The following CEP128 variants were observed in gnomAD, a reference collection of about 807,000 sequenced individuals.
CEP128 encodes the protein centrosomal protein 128kDa.
Under a neutral mutation model 156.7 loss-of-function variants are expected in CEP128, and 132 were observed. The ratio of observed to expected loss-of-function variants is 0.84; its 90% confidence interval spans 0.73 to 0.97. The LOEUF (loss-of-function observed/expected upper bound fraction) is 0.97. CEP128 is among the 50% of genes least tolerant of loss of function. The pLI, the probability that CEP128 is intolerant of heterozygous loss-of-function variation, is 0.00. For missense variants in CEP128, 1,252 were observed against 1,281.9 expected, an observed-to-expected ratio of 0.98 and a Z score of 0.36; for synonymous variants, 469 against 448.9, an observed-to-expected ratio of 1.04 and a Z score of -0.57.
chr14:80,663,028 A>C (rs1396474784), intron 19 of CEP128, among the ~76,000 whole-genome samples: 1 of 152,210 alleles, frequency 6.6e-6, no homozygotes, highest in African/African-American at 2.4e-5. Context: ...TGACAATGAC[A>C]GTGTTGAATA....
intron 21 of CEP128, among the ~76,000 whole-genome samples, chr14:80,552,719 C>T (rs1890260058): frequency 6.6e-6 from 1 of 152,158 alleles, no homozygotes; most frequent in Non-Finnish European, 1.5e-5. Context: ...CTTGCTTATG[C>T]ACTTTGCCCT....
intron 23 of CEP128, among the ~76,000 whole-genome samples, chr14:80,517,400 C>G (rs1480853275): frequency 6.6e-6 from 1 of 152,104 alleles, no homozygotes; most frequent in Non-Finnish European, 1.5e-5. Flanking sequence ...GATGATCTCA[C>G]AAATTTGCAT....
chr14:80,531,031 T>C (rs1027375833), intron 21 of CEP128, 145 bp from the exon 22 acceptor site: 1 of 390,212 alleles, frequency 2.6e-6, no homozygotes, highest in Non-Finnish European at 4.7e-6. Flanking sequence ...TATATAATAG[T>C]ATTTTCAAGA....
intron 13 of CEP128, among the ~76,000 whole-genome samples, chr14:80,819,372 G>A (rs954128283): frequency 3.4e-5 from 5 of 148,360 alleles, no homozygotes; most frequent in East Asian, 2.1e-4. Flanking sequence ...TCAGCCTCCC[G>A]AGTAGCTGGG....
chr14:80,953,997 C>T (rs1364380609), intron 2 of CEP128, among the ~76,000 whole-genome samples: 1 of 152,008 alleles, frequency 6.6e-6, no homozygotes, highest in Non-Finnish European at 1.5e-5. Flanking sequence ...AGCCCGGGTG[C>T]GGTGGCTCAA....
At chr14:80,866,270 C>G (rs943448629) in intron 8 of CEP128, among the ~76,000 whole-genome samples, 1 of 152,108 alleles carries the variant, frequency 6.6e-6, no homozygotes, top group African/African-American at 2.4e-5. Flanking sequence ...AGTGCCAGAC[C>G]AGCTCCTATG....
intron 13 of CEP128, among the ~76,000 whole-genome samples, chr14:80,793,492 T>G (rs1167366286): frequency 6.6e-6 from 1 of 152,198 alleles, no homozygotes; most frequent in Non-Finnish European, 1.5e-5. Context: ...CAGAGAACTA[T>G]TAGTAGCAAT....
chr14:80,483,074 A>G (rs879113004), intron 14 of CEP128, among the ~76,000 whole-genome samples: 1 of 152,228 alleles, frequency 6.6e-6, no homozygotes, highest in Admixed American at 6.5e-5. Context: ...CTTACTGAGG[A>G]TGACATTGAA....
chr14:80,716,046 A>G (rs1164219428), intron 19 of CEP128, among the ~76,000 whole-genome samples: 1 of 152,240 alleles, frequency 6.6e-6, no homozygotes, highest in Non-Finnish European at 1.5e-5. Context: ...ACCAGCAGCT[A>G]CCAGGCCACT....
At chr14:80,708,581 G>A (rs1380249810) in intron 19 of CEP128, among the ~76,000 whole-genome samples, 1 of 152,006 alleles carries the variant, frequency 6.6e-6, no homozygotes, top group East Asian at 1.9e-4. Context: ...CATGTGCCAT[G>A]CTGGTGTGCT....
At chr14:80,590,666 C>T (rs1345663018) in intron 19 of CEP128, among the ~76,000 whole-genome samples, 2 of 151,900 alleles carry the variant, frequency 1.3e-5, no homozygotes, top group African/African-American at 2.4e-5. Flanking sequence ...AAAGAAAGAA[C>T]ACAATCAAAA....
intron 19 of CEP128, among the ~76,000 whole-genome samples, chr14:80,596,584 G>A (rs1892329117): frequency 6.6e-6 from 1 of 152,016 alleles, no homozygotes; most frequent in South Asian, 2.1e-4. Context: ...TGAGGCAAGA[G>A]GATCACTTGA....
intron 19 of CEP128, among the ~76,000 whole-genome samples, chr14:80,662,388 C>T (rs1895437627): frequency 6.6e-6 from 1 of 152,142 alleles, no homozygotes; most frequent in Non-Finnish European, 1.5e-5. Context: ...AATTTACTAT[C>T]CTTCTTAATT....
At chr14:80,565,059 C>CA (rs964520178) in intron 20 of CEP128, among the ~76,000 whole-genome samples, 28 of 150,754 alleles carry the variant, frequency 1.9e-4, no homozygotes, top group African/African-American at 5.1e-4. Flanking sequence ...AACTCCGTCT[C>CA]AAAAAAAAAG....
chr14:80,781,262 T>C (rs1044298835), intron 15 of CEP128, among the ~76,000 whole-genome samples: 1 of 151,888 alleles, frequency 6.6e-6, no homozygotes, highest in Non-Finnish European at 1.5e-5. Context: ...ATCGAAACCA[T>C]CCTGGCCAAC....
chr14:80,880,504 T>C (rs1037848504), intron 8 of CEP128, among the ~76,000 whole-genome samples: 1 of 151,854 alleles, frequency 6.6e-6, no homozygotes, highest in Non-Finnish European at 1.5e-5. Context: ...ATAAAATGCA[T>C]CCAATTTGAA....
At chr14:80,836,065 A>G (rs1181005017) in intron 12 of CEP128, 140 bp downstream of exon 12, 1 of 812,712 alleles carries the variant, frequency 1.2e-6, no homozygotes, top group Admixed American at 2.5e-5. Context: ...AACTTATCAG[A>G]AAATGTTTAA....
chr14:80,942,838 C>T (rs1566730289), upstream of CEP128, among the ~76,000 whole-genome samples: 1 of 152,082 alleles, frequency 6.6e-6, no homozygotes, highest in Non-Finnish European at 1.5e-5. Flanking sequence ...ACCCCTCCTC[C>T]CTCCCAACAG....
At chr14:80,648,488 C>G (rs1263650915) in intron 19 of CEP128, among the ~76,000 whole-genome samples, 2 of 152,044 alleles carry the variant, frequency 1.3e-5, no homozygotes, top group African/African-American at 4.8e-5. Context: ...TACTAGCCCT[C>G]CTTTGGTATA....
Sources: gnomAD v4.1 joint callset for allele counts (sites outside exome capture counted in the v4.1 genomes callset) on GRCh38, gnomAD v4.1.1 for gene constraint, MANE v1.5 for transcripts, NCBI Gene and HGNC (gene_info 2026-07-23, HGNC 2026-07-21) for gene names.